Variants in SORCS3 observed in about 807,000 individuals in gnomAD.
The protein encoded by SORCS3 is VPS10 domain-containing receptor SorCS3.
Under a neutral mutation model 146.3 loss-of-function variants are expected in SORCS3, and 57 were observed. The observed-to-expected ratio is 0.39, with a 90% CI of 0.31 to 0.49. The LOEUF is 0.49. SORCS3 is among the 20% of genes least tolerant of loss of function. SORCS3 has a pLI of 0.92. For synonymous variants in SORCS3, 653 were observed against 618.5 expected, an observed-to-expected ratio of 1.06 and a Z score of -0.83; for missense variants, 1,341 against 1,575.5, an observed-to-expected ratio of 0.85 and a Z score of 2.52.
chr10:105,127,714 C>G lies in SORCS3; in HGVS notation c.1213-11683C>G, dbSNP rs541929955. 5.9e-5 allele frequency among the ~76,000 whole-genome samples: 9 copies of G among 152,234 alleles called. No homozygotes were observed. In the East Asian group the frequency reaches 1.7e-3, roughly 29 times the overall value. ...CAAGAGACCCCAAAAGGACCTGCTT[C>G]CCTCTAATTTGGAACAACAGCTGGT... is the stretch of plus-strand genomic sequence containing the variant. On this transcript the variant is annotated intron_variant, in intron 7 of 26. Coordinates refer to ENST00000369701, the MANE Select transcript of SORCS3 (RefSeq NM_014978.3).
At chr10:104,810,185 A>G (rs2017725322) in intron 1 of SORCS3, among the ~76,000 whole-genome samples, 1 of 152,244 alleles carries the variant, frequency 6.6e-6, no homozygotes, top group Non-Finnish European at 1.5e-5. Context: ...CTCTATTTTT[A>G]TAATAGTTTT....
intron 16 of SORCS3, among the ~76,000 whole-genome samples, chr10:105,202,916 C>T (rs1032225264): frequency 1.3e-5 from 2 of 152,138 alleles, no homozygotes; most frequent in Non-Finnish European, 1.5e-5. Context: ...GGGCATTGGC[C>T]TCTAAACTTG....
At chr10:105,097,784 G>A (rs1033962261) in intron 6 of SORCS3, among the ~76,000 whole-genome samples, 1 of 152,176 alleles carries the variant, frequency 6.6e-6, no homozygotes, top group Non-Finnish European at 1.5e-5. Context: ...GACCTGGGCT[G>A]CTTTGTGAAG....
rs1029060382 is a variant in SORCS3 at position 105,229,493 on chromosome 10, G to C, written c.2868+6244G>C. On this transcript the variant is annotated intron_variant, in intron 20 of 26. Transcript: ENST00000369701. ...TAATGGTTACTTCTTCCAGTTTTTT[G>C]AATTTGCTTTTGTAGGGAGGGACTT... 3.1e-4 allele frequency among the ~76,000 whole-genome samples: 47 copies of C among 152,148 alleles called. 2 individuals carry two copies. Among genetic ancestry groups the C allele is most frequent in the African/African-American group, 1.1e-3 (45 of 41,508 alleles).
At chr10:104,740,798 A>T (rs1297134131) in intron 1 of SORCS3, among the ~76,000 whole-genome samples, 1 of 152,148 alleles carries the variant, frequency 6.6e-6, no homozygotes, top group Non-Finnish European at 1.5e-5. Flanking sequence ...AAGGGGTGAG[A>T]TTCTGGGGAT....
At position 104,995,146 on chromosome 10, in the gene SORCS3, T is replaced by TTTTC. The variant is rs1159859579; in HGVS notation, c.954+17667_954+17670dup. On this transcript the variant is annotated intron_variant, in intron 4 of 26. Transcript: ENST00000369701. ...GCTTTTCTTTTTTCTTTTTCTTTTC[T>TTTTC]TTTCTTTCTTTCTTTCTCTTTTTTT... Among the ~76,000 whole-genome samples the TTTTC allele has an allele frequency of 1.3e-4, 19 of 150,886 alleles. No individual in the cohort carries two copies. In the East Asian group the frequency reaches 1.9e-3, roughly 15 times the overall value.
intron 1 of SORCS3, among the ~76,000 whole-genome samples, chr10:104,753,015 T>A (rs529784476): frequency 1.1e-3 from 170 of 152,318 alleles, no homozygotes; most frequent in South Asian, 1.9e-3. Flanking sequence ...TCATGGAAAC[T>A]GGGACTTTGG....
At chr10:104,837,151 G>A (rs113197598) in intron 1 of SORCS3, among the ~76,000 whole-genome samples, 9 of 152,170 alleles carry the variant, frequency 5.9e-5, no homozygotes, top group African/African-American at 1.7e-4. Context: ...TGTGTCAGCC[G>A]TTGTGCTTGG....
intron 17 of SORCS3, among the ~76,000 whole-genome samples, chr10:105,212,359 T>C (rs1279862917): frequency 6.6e-6 from 1 of 152,092 alleles, no homozygotes; most frequent in African/African-American, 2.4e-5. Flanking sequence ...TCCAACAGCA[T>C]GAAGTTAAAG....
chr10:104,791,340 AACTCG>A (rs2017493246), intron 1 of SORCS3, among the ~76,000 whole-genome samples: 1 of 152,324 alleles, frequency 6.6e-6, no homozygotes, highest in Admixed American at 6.5e-5. Context: ...TCCTTTGTTG[AACTCG>A]ACAAACAGCC....
At chr10:104,769,899 C>G (rs1287116511) in intron 1 of SORCS3, among the ~76,000 whole-genome samples, 1 of 152,082 alleles carries the variant, frequency 6.6e-6, no homozygotes, top group Non-Finnish European at 1.5e-5. Context: ...GATGACTTTT[C>G]TTTTGGGGGC....
chr10:105,075,953 G>A (rs377356655), intron 5 of SORCS3, among the ~76,000 whole-genome samples: 14 of 152,282 alleles, frequency 9.2e-5, no homozygotes, highest in Admixed American at 2.6e-4. Flanking sequence ...TTTCCATTAC[G>A]TTCCAACACA....
At chr10:105,217,900 T>G (rs1244122314) in intron 19 of SORCS3, 1 of 453,978 alleles carries the variant, frequency 2.2e-6, no homozygotes, top group Non-Finnish European at 4.4e-6. Context: ...CACATGTGTA[T>G]CAGTGATATT....
intron 1 of SORCS3, among the ~76,000 whole-genome samples, chr10:104,695,589 A>T (rs889133810): frequency 2.6e-5 from 4 of 152,010 alleles, no homozygotes; most frequent in Non-Finnish European, 5.9e-5. Context: ...AACCACCCTC[A>T]CAAGTTTAGT....
chr10:105,065,687 TAAG>T (rs1444661931), intron 5 of SORCS3, among the ~76,000 whole-genome samples: 1 of 152,188 alleles, frequency 6.6e-6, no homozygotes, highest in Non-Finnish European at 1.5e-5. Context: ...TTGGTCATTC[TAAG>T]AAGACAGCCA....
chr10:104,780,692 G>A (rs531490752), intron 1 of SORCS3, among the ~76,000 whole-genome samples: 15 of 152,328 alleles, frequency 9.8e-5, no homozygotes, highest in African/African-American at 3.6e-4. Context: ...AGAATATGCT[G>A]AATTATGGCT....
At chr10:105,009,634 G>A (rs537316147) in intron 4 of SORCS3, among the ~76,000 whole-genome samples, 1 of 151,754 alleles carries the variant, frequency 6.6e-6, no homozygotes, top group East Asian at 1.9e-4. Flanking sequence ...CAGTTAATCT[G>A]TTAGAGTTAT....
At chr10:104,904,321 T>G (rs1410349037) in intron 2 of SORCS3, among the ~76,000 whole-genome samples, 1 of 152,216 alleles carries the variant, frequency 6.6e-6, no homozygotes, top group Admixed American at 6.5e-5. Flanking sequence ...GGTACTTTTA[T>G]ACATTGTTAA....
chr10:104,837,812 G>T (rs1426842925), intron 1 of SORCS3, among the ~76,000 whole-genome samples: 1 of 152,164 alleles, frequency 6.6e-6, no homozygotes, highest in Admixed American at 6.5e-5. Context: ...GCAAGGGTAC[G>T]TTTTTCTCTT....
Sources: gnomAD v4.1 joint callset for allele counts (sites outside exome capture counted in the v4.1 genomes callset) on GRCh38, gnomAD v4.1.1 for gene constraint, MANE v1.5 for transcripts, NCBI Gene and HGNC (gene_info 2026-07-23, HGNC 2026-07-21) for gene names.